Variants in ZNF215 observed in about 807,000 individuals in gnomAD.
ZNF215 encodes zinc finger protein 215, also known as BWSCR2-associated zinc finger protein 2.
ZNF215 carries 24 observed loss-of-function variants against 27.2 expected under a neutral mutation model. The ratio of observed to expected loss-of-function variants is 0.88; its 90% CI spans 0.64 to 1.24. The LOEUF (loss-of-function observed/expected upper bound fraction) is 1.24, where lower values mean the gene tolerates loss of function less well. Ranked by LOEUF, ZNF215 falls within the 50% of genes most tolerant of loss-of-function variation. The pLI is 0.00. For missense variants in ZNF215, 675 were observed against 605.7 expected, an observed-to-expected ratio of 1.11 and a Z score of -1.20; for synonymous variants, 210 against 204.0, an observed-to-expected ratio of 1.03 and a Z score of -0.25.
chr11:6,970,005 C>G (rs951385930), intron 5 of ZNF215, among the ~76,000 whole-genome samples: 1 of 152,156 alleles, frequency 6.6e-6, no homozygotes, highest in Admixed American at 6.5e-5. Context: ...TGTTCTCAAA[C>G]TCATGACCTT....
chr11:6,956,696 A>G lies in ZNF215; in HGVS notation c.*165A>G, dbSNP rs191322879. 3,200 of 1,390,142 alleles carry G rather than the reference A, an allele frequency of 2.3e-3. 6 individuals are homozygous for G. The highest frequency in any genetic ancestry group is 2.7e-3 in the Non-Finnish European group (2,931 of 1,080,298). 86.1% of individuals were successfully genotyped at this position (1,390,142 alleles called of 1,614,324 possible). ...ATGTTGGATAGAAATATCATTGGAT[A>G]GAAATCTGTTTGAAGGAATTTTCCT... On this transcript the variant is annotated 3_prime_UTR_variant, in exon 7 of 7. Coordinates refer to ENST00000278319, the MANE Select transcript of ZNF215 (RefSeq NM_013250.4).
chr11:6,990,513 A>G (rs1350257451), downstream of ZNF215, among the ~76,000 whole-genome samples: 1 of 152,254 alleles, frequency 6.6e-6, no homozygotes, highest in Non-Finnish European at 1.5e-5. Flanking sequence ...GCCTCCAGAG[A>G]TAGGTACTGG....
downstream of ZNF215, among the ~76,000 whole-genome samples, chr11:6,960,268 GA>G (rs1480463448): frequency 6.6e-6 from 1 of 152,072 alleles, no homozygotes; most frequent in African/African-American, 2.4e-5. Context: ...TATATATTGA[GA>G]GCGTTTAAAA....
At chr11:6,974,371 C>G (rs61878994) in intron 5 of ZNF215, among the ~76,000 whole-genome samples, 4 of 151,896 alleles carry the variant, frequency 2.6e-5, no homozygotes, top group Non-Finnish European at 5.9e-5. Context: ...TTGACTTGGC[C>G]ATGTGGGCTC....
At chr11:6,962,646 C>T (rs1477217506), downstream of ZNF215, among the ~76,000 whole-genome samples, 3 of 152,074 alleles carry the variant, frequency 2.0e-5, no homozygotes, top group Non-Finnish European at 2.9e-5. Context: ...AATATAGTGT[C>T]ACTGGTTCTT....
intron 6 of ZNF215, among the ~76,000 whole-genome samples, chr11:6,949,629 T>G (rs1272648727): frequency 1.3e-5 from 2 of 152,220 alleles, no homozygotes; most frequent in African/African-American, 4.8e-5. Flanking sequence ...ATTCTGGATA[T>G]TAGCCCTTTG....
chr11:6,981,733 T>C (rs1850957203), intron 5 of ZNF215, among the ~76,000 whole-genome samples: 1 of 152,218 alleles, frequency 6.6e-6, no homozygotes, highest in Admixed American at 6.6e-5. Context: ...AGGGTTTTTA[T>C]GGTTTTAGGT....
chr11:6,928,957 C>G (rs527978047), intron 2 of ZNF215, among the ~76,000 whole-genome samples: 3 of 152,068 alleles, frequency 2.0e-5, no homozygotes, highest in South Asian at 4.1e-4. Context: ...TTGGCAGCTG[C>G]GAATGAGGAG....
At chr11:6,952,725 T>C (rs375339767) in intron 6 of ZNF215, among the ~76,000 whole-genome samples, 2 of 152,192 alleles carry the variant, frequency 1.3e-5, no homozygotes, top group African/African-American at 2.4e-5. Flanking sequence ...GAGCATTTAG[T>C]CCATTTACAT....
intron 5 of ZNF215, among the ~76,000 whole-genome samples, chr11:6,978,499 T>C (rs2857921): frequency 0.24 from 36,218 of 151,994 alleles, 4,806 homozygotes; most frequent in Non-Finnish European, 0.3. Context: ...CTGATTAATA[T>C]GTGTGCTGCG....
chr11:6,971,512 T>C (rs1234634234), intron 5 of ZNF215, among the ~76,000 whole-genome samples: 1 of 152,154 alleles, frequency 6.6e-6, no homozygotes, highest in Non-Finnish European at 1.5e-5. Flanking sequence ...GCCAGGAAGA[T>C]AGTAGATGCT....
chr11:6,951,570 G>C (rs377092959), intron 6 of ZNF215, among the ~76,000 whole-genome samples: 1 of 152,096 alleles, frequency 6.6e-6, no homozygotes, highest in African/African-American at 2.4e-5. Flanking sequence ...CTGTGGGATC[G>C]GTGGTGATAT....
rs151254683 is a variant in ZNF215, at chr11:6,975,682, A to G, written c.806-8447A>G. 4.8e-3 allele frequency among the ~76,000 whole-genome samples: 732 copies of G among 152,134 alleles called. 8 individuals are homozygous for G. The highest frequency in any genetic ancestry group is 0.015 in the African/African-American group (625 of 41,540). On this transcript the variant is annotated intron_variant, in intron 5 of 5. Coordinates refer to the ZNF215 transcript ENST00000529903. ...ACATTGTTGCAAATGACTGGATCTC[A>G]TTCTTTTTTATGGCTGAATATTACG... is the stretch of plus-strand genomic sequence containing the variant.
chr11:6,959,715 C>T (rs1850475699), downstream of ZNF215, among the ~76,000 whole-genome samples: 1 of 152,076 alleles, frequency 6.6e-6, no homozygotes, highest in Non-Finnish European at 1.5e-5. Flanking sequence ...ATCAGATATT[C>T]AATGGGGAGG....
intron 2 of ZNF215, 85 bp from the exon 3 acceptor site, chr11:6,932,009 C>T (rs1467179797): frequency 3.0e-6 from 1 of 333,732 alleles, no homozygotes; most frequent in Non-Finnish European, 5.4e-6. Flanking sequence ...ATGCATTTTT[C>T]TTAGGCAATT....
At chr11:6,961,990 G>T (rs12575332), downstream of ZNF215, among the ~76,000 whole-genome samples, 12,782 of 152,066 alleles carry the variant, frequency 0.084, 633 homozygotes, top group East Asian at 0.15. Flanking sequence ...GAGCCGCTTT[G>T]GTCCCAATCT....
chr11:6,971,906 A>G (rs1186283730), intron 5 of ZNF215, among the ~76,000 whole-genome samples: 3 of 152,158 alleles, frequency 2.0e-5, no homozygotes, highest in African/African-American at 7.2e-5. Context: ...AAACTGGAAA[A>G]TGTTATAGAG....
rs1167576048 is a variant in ZNF215 at position 6,982,208 on chromosome 11, C to G, written c.806-1921C>G. Among the ~76,000 whole-genome samples the G allele has an allele frequency of 2.6e-5, 4 of 152,026 alleles. No individual in the cohort carries two copies. The East Asian group carries it at 7.7e-4, about 29-fold the overall frequency. On this transcript the variant is annotated intron_variant, in intron 5 of 5. Coordinates refer to the ZNF215 transcript ENST00000529903. ...TATAAATTACCCGGGGCAGTATGGC[C>G]ATTTTCATGATATATGCACCCAATA...
chr11:6,968,376 G>A (rs1008815462), intron 5 of ZNF215, among the ~76,000 whole-genome samples: 2 of 151,954 alleles, frequency 1.3e-5, no homozygotes, highest in African/African-American at 4.8e-5. Flanking sequence ...TACGTTGGGC[G>A]GTATGGCCAT....
Sources: gnomAD v4.1 joint callset for allele counts (sites outside exome capture counted in the v4.1 genomes callset) on GRCh38, gnomAD v4.1.1 for gene constraint, MANE v1.5 for transcripts, NCBI Gene and HGNC (gene_info 2026-07-23, HGNC 2026-07-21) for gene names.